LAMA1: variants seen among roughly 807,000 people sequenced by gnomAD.
The protein encoded by LAMA1 is laminin subunit alpha 1, also known as laminin subunit alpha-1.
In LAMA1, 219 loss-of-function variants were observed where a neutral mutation model predicts 348.7. That is an observed-to-expected ratio of 0.63 (90% CI 0.56 to 0.70). The LOEUF (loss-of-function observed/expected upper bound fraction) is 0.70. Ranked by LOEUF, LAMA1 falls within the 30% of genes least tolerant of loss-of-function variation. The probability of loss-of-function intolerance (pLI) is 0.00; values close to 1 mark genes in which losing one functional copy is unlikely to be tolerated. For missense variants in LAMA1, 3,744 were observed against 3,888.0 expected (o/e 0.96, Z 0.99); for synonymous variants, 1,487 against 1,491.0 (o/e 1.00, Z 0.06).
intron 23 of LAMA1, among the ~76,000 whole-genome samples, chr18:7,012,994 T>C (rs2057868304): frequency 6.6e-6 from 1 of 151,592 alleles, no homozygotes; most frequent in Non-Finnish European, 1.5e-5. Flanking sequence ...ACCCCGTCTC[T>C]ACCAAAAATA....
chr18:6,956,541 G>A, intron 56 of LAMA1, 95 bp downstream of exon 56: 1 of 1,579,378 alleles, frequency 6.3e-7, no homozygotes, highest in East Asian at 2.2e-5. Context: ...AGCTTTCGCA[G>A]GCACCTTTAC....
At position 7,023,335 on chromosome 18, in the gene LAMA1, C is replaced by A. The variant is rs369294134; in HGVS notation, c.2530G>T (p.Glu844Ter). ...CTGCAGTCACAGGGAACACAAGATT[C>A]GCCAGGCACTGTTGGGTTTCCATAG... The part of the protein sequence containing the change: ...GYYGNPTVPG[E>*]SCVPCDCSGN... Residue 844 changes from glutamate (E) to a stop codon, truncating the protein, a stop_gained, in exon 19 of 63, where the codon GAA becomes TAA. Coordinates refer to ENST00000389658, the MANE Select transcript of LAMA1 (RefSeq NM_005559.4). LOFTEE classifies it high-confidence loss of function. The A allele has an allele frequency of 6.2e-7, 1 of 1,614,038 alleles. No homozygotes were observed. The highest frequency in any genetic ancestry group is 1.3e-5 in the African/African-American group (1 of 74,926).
intron 51 of LAMA1, among the ~76,000 whole-genome samples, chr18:6,964,378 A>G (rs1002577196): frequency 7.9e-5 from 12 of 152,166 alleles, no homozygotes; most frequent in African/African-American, 2.4e-4. Context: ...CTTATGCAAC[A>G]TGACAGTTGT....
chr18:7,076,062 C>A (rs12454658), intron 3 of LAMA1, among the ~76,000 whole-genome samples: 69,123 of 151,750 alleles, frequency 0.46, 16,558 homozygotes, highest in East Asian at 0.7. Context: ...AAGGAAAGGG[C>A]AGAGAAAGAA....
intron 1 of LAMA1, among the ~76,000 whole-genome samples, chr18:7,099,338 C>T (rs1326834357): frequency 5.3e-5 from 8 of 151,384 alleles, no homozygotes; most frequent in East Asian, 1.9e-4. Context: ...TGCGGAAGGC[C>T]GCAGGGTCCT....
chr18:6,955,182 G>A (rs780195877), intron 57 of LAMA1, 171 bp downstream of exon 57: 329 of 651,894 alleles, frequency 5.0e-4, no homozygotes, highest in Non-Finnish European at 7.9e-4. Context: ...CACCATGAAA[G>A]CGTTGTGATT....
Position 7,054,882 on chromosome 18 carries a change from T to G in LAMA1, c.346-3946A>C, listed in dbSNP as rs1014446799. 1.2e-4 allele frequency among the ~76,000 whole-genome samples: 18 copies of G among 152,318 alleles called. 1 individual carries two copies. The Middle Eastern group carries it at 0.01, about 86-fold the overall frequency. ...TTAATAACAATTTCTTTTCTCTAGC[T>G]TACTTTAAGAATATACCATAAACAT... On this transcript the variant is annotated intron_variant, in intron 3 of 62. Transcript: ENST00000389658.
intron 19 of LAMA1, among the ~76,000 whole-genome samples, chr18:7,021,803 TTA>T (rs1235381680): frequency 7.0e-5 from 5 of 71,936 alleles, no homozygotes; most frequent in East Asian, 5.3e-4. Flanking sequence ...TAATAATATA[TTA>T]TATTATATAA....
chr18:6,951,961 C>G (rs142636523), intron 57 of LAMA1, among the ~76,000 whole-genome samples: 115 of 152,262 alleles, frequency 7.6e-4, no homozygotes, highest in African/African-American at 2.6e-3. Flanking sequence ...TGATGAGGCC[C>G]AGGAGACTGT....
At chr18:6,947,121 A>G in intron 61 of LAMA1, 42 bp downstream of exon 61, 1 of 1,613,892 alleles carries the variant, frequency 6.2e-7, no homozygotes, top group East Asian at 2.2e-5. Flanking sequence ...TCTGTCTCTG[A>G]CACTGGGGGG....
At chr18:7,051,237 T>C (rs1156626265) in intron 3 of LAMA1, among the ~76,000 whole-genome samples, 1 of 152,018 alleles carries the variant, frequency 6.6e-6, no homozygotes, top group African/African-American at 2.4e-5. Context: ...ATGCTCATCA[T>C]ATACACAAAA....
chr18:7,057,339 G>A (rs1351827288), intron 3 of LAMA1, among the ~76,000 whole-genome samples: 2 of 152,060 alleles, frequency 1.3e-5, no homozygotes, highest in Non-Finnish European at 2.9e-5. Flanking sequence ...TAAGCACTAT[G>A]CTGCACTACT....
intron 55 of LAMA1, 140 bp downstream of exon 55, chr18:6,958,337 A>T: frequency 1.2e-6 from 1 of 818,190 alleles, no homozygotes; most frequent in Non-Finnish European, 2.1e-6. Context: ...CTTACATGAT[A>T]GAACAATGGG....
Position 6,964,693 on chromosome 18 carries a change from C to T in LAMA1, c.7306G>A (p.Val2436Met). The T allele has an allele frequency of 6.2e-7, 1 of 1,614,112 alleles. No individual in the cohort carries two copies. Among genetic ancestry groups the T allele is most frequent in the Non-Finnish European group, 8.5e-7 (1 of 1,179,952 alleles). Residue 2436 changes from valine (V) to methionine (M), a missense_variant, in exon 51 of 63, where the codon GTG becomes ATG. Val to Met is a conservative substitution (Grantham distance 21). This residue lies in a region of LAMA1 where 1,983 missense variants were observed against 1,934.3 expected (regional missense o/e 1.03). Coordinates refer to ENST00000389658, the MANE Select transcript of LAMA1 (RefSeq NM_005559.4). ...ACTCTTGACCTTGGTAATCCACCCA[C>T]ATAAATCGGGTCCTTGTCTAGGCGG... The part of the protein sequence containing the change: ...LNRLDKDPIY[V>M]GGLPRSRVVR...
In LAMA1 at chr18:7,117,740, G is replaced by C; in HGVS notation, c.-20C>G. ...GCGCATCTCGCCTCCGCCGCCACTC[G>C]GTGGGTCTGGGGAGAAAGCCGCGCG... is the stretch of plus-strand genomic sequence containing the variant. On this transcript the variant is annotated 5_prime_UTR_variant, in exon 1 of 63. Coordinates refer to ENST00000389658, the MANE Select transcript of LAMA1 (RefSeq NM_005559.4). The C allele has an allele frequency of 1.9e-6, 3 of 1,594,244 alleles. No homozygotes were observed. The highest frequency in any genetic ancestry group is 1.1e-5 in the South Asian group (1 of 90,464).
intron 55 of LAMA1, among the ~76,000 whole-genome samples, chr18:6,958,126 G>A (rs2057589096): frequency 6.6e-6 from 1 of 152,242 alleles, no homozygotes; most frequent in Non-Finnish European, 1.5e-5. Context: ...ATAGTAAACA[G>A]CTCCTTCAAA....
intron 1 of LAMA1, among the ~76,000 whole-genome samples, chr18:7,096,891 G>A (rs546378391): frequency 6.6e-6 from 1 of 152,328 alleles, no homozygotes; most frequent in Admixed American, 6.5e-5. Flanking sequence ...TGGGTAAGAT[G>A]CGTGGAAGAG....
chr18:7,023,171 G>A lies in LAMA1; in HGVS notation c.2694C>T (p.Asn898=). 6.2e-7 allele frequency: 1 copy of A among 1,612,454 alleles called. No individual in the cohort carries two copies. Among genetic ancestry groups the A allele is most frequent in the Non-Finnish European group, 8.5e-7 (1 of 1,179,798 alleles). Residue 898 remains asparagine, a synonymous_variant, in exon 19 of 63, where the codon AAC becomes AAT. Transcript: ENST00000389658. ...TCACGCTCACGCACTCACCGCGGCA[G>A]TTCTTGGCTGTCACAGCGTCCCCAT... is the stretch of plus-strand genomic sequence containing the variant. The part of the protein sequence containing the change: ...GFYGDAVTAK[N]CRACECHVKG...
intron 39 of LAMA1, among the ~76,000 whole-genome samples, chr18:6,984,030 T>G (rs1473654630): frequency 6.6e-6 from 1 of 152,230 alleles, no homozygotes; most frequent in Non-Finnish European, 1.5e-5. Context: ...AAATTGTTTC[T>G]ATTACTCATA....
Sources: allele counts gnomAD v4.1 joint callset (sites outside exome capture counted in the v4.1 genomes callset), GRCh38; gene constraint gnomAD v4.1.1; regional missense constraint gnomAD v4.1.1; transcripts MANE v1.5; gene names NCBI Gene and HGNC (gene_info 2026-07-23, HGNC 2026-07-21).